The following NRF1 variants were observed in gnomAD, a reference collection of about 807,000 sequenced individuals.
NRF1 encodes the protein alpha palindromic-binding protein.
NRF1 carries 5 observed loss-of-function variants against 58.5 expected under a neutral mutation model. That is an observed-to-expected ratio of 0.09 (90% confidence interval 0.04 to 0.18). NRF1 has a LOEUF of 0.18. Among genes scored for constraint, NRF1 ranks in the 10% least tolerant of loss-of-function variants. The pLI is 1.00. For missense variants in NRF1, 288 were observed against 657.7 expected (o/e 0.44, Z 6.15); for synonymous variants, 224 against 246.7 (o/e 0.91, Z 0.86).
chr7:129,612,929 A>G (rs1800570864), intron 1 of NRF1, among the ~76,000 whole-genome samples: 2 of 152,178 alleles, frequency 1.3e-5, no homozygotes, highest in South Asian at 2.1e-4. Flanking sequence ...ATCTGCTCCA[A>G]CCAGTTGGAG....
At chr7:129,666,042 G>A (rs1488585739) in intron 2 of NRF1, among the ~76,000 whole-genome samples, 2 of 152,260 alleles carry the variant, frequency 1.3e-5, no homozygotes, top group Admixed American at 6.5e-5. Context: ...TCTTGAGAGT[G>A]ATAGTTTTGG....
intron 1 of NRF1, among the ~76,000 whole-genome samples, chr7:129,612,978 T>G (rs1211796821): frequency 6.6e-6 from 1 of 152,230 alleles, no homozygotes; most frequent in Non-Finnish European, 1.5e-5. Flanking sequence ...AAGCATTAGA[T>G]TAGAATATAT....
At position 129,727,250 on chromosome 7, in the gene NRF1, C is replaced by T. The variant is rs149764867; in HGVS notation, c.1233C>T (p.Ala411=). ...GTTCCTGTGCCCGCAGCGAAGCTGC[C>T]GCCCATGCTGTCGCCACCCTGGCTG... The part of the protein sequence containing the change: ...TVTMALNSEA[A]AHAVATLAEA... The change falls in exon 10 of 11, where the codon GCC becomes GCT. Residue 411 remains alanine, a synonymous_variant. Transcript: ENST00000393232. 2.6e-3 allele frequency: 4,178 copies of T among 1,594,170 alleles called. 11 individuals carry two copies. The highest frequency in any genetic ancestry group is 7.0e-3 in the Middle Eastern group (42 of 5,998).
chr7:129,623,878 TTCTTAAATCAGTA>T (rs1199407977), intron 1 of NRF1, among the ~76,000 whole-genome samples: 1 of 152,188 alleles, frequency 6.6e-6, no homozygotes, highest in Non-Finnish European at 1.5e-5. Flanking sequence ...CTTCACAAGA[TTCTTAAATCAGTA>T]TCTTCCAGAC....
intron 2 of NRF1, among the ~76,000 whole-genome samples, chr7:129,668,511 T>C (rs1040122271): frequency 1.3e-5 from 2 of 152,322 alleles, no homozygotes; most frequent in African/African-American, 4.8e-5. Flanking sequence ...GAGAGTTTTA[T>C]TTGAACTGTA....
intron 2 of NRF1, among the ~76,000 whole-genome samples, chr7:129,664,065 C>T (rs1801864673): frequency 6.8e-6 from 1 of 147,822 alleles, no homozygotes; most frequent in African/African-American, 2.5e-5. Context: ...AGGGAGGTTG[C>T]AGGGAGCGGA....
intron 2 of NRF1, among the ~76,000 whole-genome samples, chr7:129,660,686 C>G (rs1158128659): frequency 6.6e-6 from 1 of 150,818 alleles, no homozygotes; most frequent in African/African-American, 2.5e-5. Context: ...CAGCTCTGCC[C>G]CCTGTGGCTT....
intron 10 of NRF1, among the ~76,000 whole-genome samples, chr7:129,736,553 G>A (rs980497044): frequency 6.6e-6 from 1 of 151,968 alleles, no homozygotes; most frequent in South Asian, 2.1e-4. Context: ...CAGCCCAATA[G>A]GATATTCTTA....
At chr7:129,619,433 TAC>T (rs754223551) in intron 1 of NRF1, among the ~76,000 whole-genome samples, 732 of 65,702 alleles carry the variant, frequency 0.011, 30 homozygotes, top group Admixed American at 0.025. Flanking sequence ...TATATATATA[TAC>T]ACACACACAC....
At chr7:129,662,842 A>G (rs1264683080) in intron 2 of NRF1, among the ~76,000 whole-genome samples, 1 of 152,024 alleles carries the variant, frequency 6.6e-6, no homozygotes, top group Non-Finnish European at 1.5e-5. Context: ...TAGTGGAGAG[A>G]AGGTCAGCAG....
intron 1 of NRF1, among the ~76,000 whole-genome samples, chr7:129,651,430 A>G (rs1801532454): frequency 6.8e-6 from 1 of 147,198 alleles, no homozygotes; most frequent in African/African-American, 2.4e-5. Flanking sequence ...AAAAAAAAAA[A>G]AAAAATGGTT....
chr7:129,737,781 G>GTT lies in NRF1; in HGVS notation c.1348+10417_1348+10418insTT, dbSNP rs1447407344. On this transcript the variant is annotated intron_variant, in intron 10 of 10. Transcript: ENST00000393232. ...AATGAATGTATTAAATAGTCTTAGT[G>GTT]TAAGAGTGCGTTTTCAGTCACCATA... 2.6e-5 allele frequency among the ~76,000 whole-genome samples: 4 copies of GTT among 152,358 alleles called. No homozygotes were observed. In the East Asian group the frequency reaches 5.8e-4, roughly 22 times the overall value.
intron 10 of NRF1, among the ~76,000 whole-genome samples, chr7:129,728,985 A>G (rs1803517033): frequency 6.6e-6 from 1 of 152,072 alleles, no homozygotes; most frequent in Admixed American, 6.5e-5. Flanking sequence ...CTATTTTTTT[A>G]CCTTTTTCTA....
chr7:129,684,967 A>T (rs1422852156), intron 4 of NRF1, among the ~76,000 whole-genome samples: 1 of 152,196 alleles, frequency 6.6e-6, no homozygotes, highest in Non-Finnish European at 1.5e-5. Context: ...AGACAATAGG[A>T]TGAAGTCAAC....
At chr7:129,615,619 A>G (rs1251858110) in intron 1 of NRF1, among the ~76,000 whole-genome samples, 1 of 152,224 alleles carries the variant, frequency 6.6e-6, no homozygotes, top group African/African-American at 2.4e-5. Flanking sequence ...TTTTCCATGA[A>G]TGCTTAGTAA....
chr7:129,724,995 G>A (rs1247436926), intron 9 of NRF1, among the ~76,000 whole-genome samples: 1 of 152,172 alleles, frequency 6.6e-6, no homozygotes. Flanking sequence ...AGGATTGCTT[G>A]AGCCCGGGAA....
intron 9 of NRF1, among the ~76,000 whole-genome samples, chr7:129,725,998 C>T (rs1803444880): frequency 6.6e-6 from 1 of 152,172 alleles, no homozygotes; most frequent in South Asian, 2.1e-4. Context: ...TTGCTTTGCC[C>T]ACAGTCCTAA....
chr7:129,729,401 C>T (rs1318695885), intron 10 of NRF1, among the ~76,000 whole-genome samples: 1 of 152,214 alleles, frequency 6.6e-6, no homozygotes, highest in Non-Finnish European at 1.5e-5. Flanking sequence ...CATTTGTGAT[C>T]TGGGAAAATT....
chr7:129,614,443 T>TTGTGTGTGTGTGAGTG (rs1800617184), intron 1 of NRF1, among the ~76,000 whole-genome samples: 1 of 145,746 alleles, frequency 6.9e-6, no homozygotes, highest in African/African-American at 2.6e-5. Flanking sequence ...AAATATGTAT[T>TTGTGTGTGTGTGAGTG]TGTGTGTGTG....
Sources: allele counts gnomAD v4.1 joint callset (sites outside exome capture counted in the v4.1 genomes callset), GRCh38; gene constraint gnomAD v4.1.1; transcripts MANE v1.5; gene names NCBI Gene and HGNC (gene_info 2026-07-23, HGNC 2026-07-21).